The following RNF212B variants were observed in gnomAD, a reference collection of about 807,000 sequenced individuals.
RNF212B encodes the protein ring finger protein 212B.
Under a neutral mutation model 55.5 loss-of-function variants are expected in RNF212B, and 52 were observed. The observed-to-expected ratio is 0.94, with a 90% CI of 0.75 to 1.18. The LOEUF is 1.18. Among genes scored for constraint, RNF212B ranks in the 50% most tolerant of loss-of-function variants. The probability of loss-of-function intolerance (pLI) is 0.00; values close to 1 mark genes in which losing one functional copy is unlikely to be tolerated. For synonymous variants in RNF212B, 99 were observed against 121.4 expected, an observed-to-expected ratio of 0.82 and a Z score of 1.21; for missense variants, 289 against 350.4, an observed-to-expected ratio of 0.82 and a Z score of 1.40.
intron 2 of RNF212B, among the ~76,000 whole-genome samples, chr14:23,196,479 A>G (rs575868102): frequency 6.6e-6 from 1 of 152,302 alleles, no homozygotes; most frequent in African/African-American, 2.4e-5. Context: ...CTGCTCTGTC[A>G]CACGGGCTGG....
chr14:23,272,778 T>C (rs1886203407), intron 14 of RNF212B, 45 bp from the exon 15 acceptor site: 8 of 1,272,582 alleles, frequency 6.3e-6, no homozygotes, highest in African/African-American at 4.4e-5. Flanking sequence ...TTGCCCTTTT[T>C]GCTGTTATAA....
chr14:23,202,222 G>A (rs1180446646), intron 2 of RNF212B, among the ~76,000 whole-genome samples: 2 of 143,280 alleles, frequency 1.4e-5, no homozygotes, highest in East Asian at 4.1e-4. Context: ...CTGCACTCTA[G>A]CCTGGGCAAC....
intron 13 of RNF212B, 122 bp downstream of exon 13, chr14:23,270,082 G>T (rs1885968440): frequency 1.5e-6 from 1 of 654,886 alleles, no homozygotes; most frequent in Non-Finnish European, 2.7e-6. Context: ...TCTCTAGTTG[G>T]CTCCTTAATA....
intron 2 of RNF212B, among the ~76,000 whole-genome samples, chr14:23,207,135 CCAA>C (rs1483325042): frequency 6.6e-6 from 1 of 152,106 alleles, no homozygotes; most frequent in African/African-American, 2.4e-5. Flanking sequence ...AGAAGTACAG[CCAA>C]CAACAAGAGT....
At chr14:23,267,524 C>T (rs955879409) in intron 11 of RNF212B, among the ~76,000 whole-genome samples, 4 of 152,032 alleles carry the variant, frequency 2.6e-5, no homozygotes, top group African/African-American at 7.2e-5. Context: ...CTCCTCCTGG[C>T]TTCAAGTGAT....
intron 2 of RNF212B, among the ~76,000 whole-genome samples, chr14:23,209,231 T>A (rs1208962548): frequency 6.6e-6 from 1 of 152,214 alleles, no homozygotes; most frequent in African/African-American, 2.4e-5. Context: ...GTCACTCTCG[T>A]AGCCATTTTG....
intron 2 of RNF212B, among the ~76,000 whole-genome samples, chr14:23,198,589 T>C (rs1878964935): frequency 6.6e-6 from 1 of 150,568 alleles, no homozygotes; most frequent in Non-Finnish European, 1.5e-5. Context: ...AGCGGGAGAA[T>C]CACTTGAACC....
chr14:23,220,522 A>G (rs934084375), intron 2 of RNF212B, among the ~76,000 whole-genome samples: 4 of 151,126 alleles, frequency 2.6e-5, no homozygotes, highest in Non-Finnish European at 5.9e-5. Context: ...ACATAGCGAG[A>G]CTCTGTCTCA....
intron 2 of RNF212B, among the ~76,000 whole-genome samples, chr14:23,231,187 C>A (rs1425560042): frequency 6.6e-6 from 1 of 151,962 alleles, no homozygotes; most frequent in Non-Finnish European, 1.5e-5. Flanking sequence ...ACATTGAATC[C>A]GTATATAGCT....
chr14:23,230,669 A>G (rs1360073184), intron 2 of RNF212B, among the ~76,000 whole-genome samples: 2 of 151,050 alleles, frequency 1.3e-5, no homozygotes, highest in East Asian at 3.9e-4. Context: ...AAAAAAAAAA[A>G]AAAAAAAAAA....
At chr14:23,233,663 G>T (rs956539792), upstream of RNF212B, among the ~76,000 whole-genome samples, 21 of 149,518 alleles carry the variant, frequency 1.4e-4, no homozygotes, top group African/African-American at 5.2e-4. Context: ...AATCATTCGG[G>T]CCTGGGAGGT....
At chr14:23,269,987 A>G in intron 13 of RNF212B, 27 bp downstream of exon 13, 1 of 1,215,936 alleles carries the variant, frequency 8.2e-7, no homozygotes, top group Non-Finnish European at 1.2e-6. Flanking sequence ...TTCCAAAGGA[A>G]TGGAGCTTCA....
At chr14:23,228,656 A>AAAAAC (rs920956678) in intron 2 of RNF212B, among the ~76,000 whole-genome samples, 10 of 151,850 alleles carry the variant, frequency 6.6e-5, no homozygotes, top group Admixed American at 3.3e-4. Flanking sequence ...AAAAAAACAA[A>AAAAAC]AAAACAAAAC....
At chr14:23,210,429 T>C (rs1370589930) in intron 2 of RNF212B, among the ~76,000 whole-genome samples, 1 of 152,170 alleles carries the variant, frequency 6.6e-6, no homozygotes. Flanking sequence ...GTCTGGAGTT[T>C]AGTTAATTAT....
At chr14:23,238,097 G>C (rs564583022) in intron 1 of RNF212B, among the ~76,000 whole-genome samples, 42 bp downstream of exon 1, 3 of 152,162 alleles carry the variant, frequency 2.0e-5, no homozygotes, top group Non-Finnish European at 2.9e-5. Context: ...AGCTTGAGAC[G>C]GCTGAGGCCC....
rs1038996853 is a variant in RNF212B at position 23,258,666 on chromosome 14, T to C, written c.344+2T>C. ...GCAAGCACTGGTGAGCCAGGACAAG[T>C]AAGTAACAAATCAAGTCCCAAGAGA... On this transcript the variant is annotated splice_donor_variant, in intron 5 of 14. Coordinates refer to ENST00000430154, the MANE Select transcript of RNF212B (RefSeq NM_001282322.3). LOFTEE classifies it high-confidence loss of function. 2.4e-4 allele frequency: 325 copies of C among 1,374,696 alleles called. 2 individuals carry two copies. Among genetic ancestry groups the C allele is most frequent in the Non-Finnish European group, 3.1e-4 (318 of 1,016,532 alleles). The allele number at this position is 1,374,696 out of a possible 1,614,324, so 85.2% of individuals were successfully genotyped here.
intron 2 of RNF212B, among the ~76,000 whole-genome samples, chr14:23,203,135 C>G (rs916413851): frequency 1.5e-4 from 23 of 151,688 alleles, no homozygotes; most frequent in African/African-American, 5.3e-4. Context: ...TCCCCCCAAC[C>G]CTCACCCCCA....
In RNF212B at chr14:23,258,631, A is replaced by C. The variant is rs766510835; in HGVS notation, c.311A>C (p.Gln104Pro). The C allele has an allele frequency of 1.9e-6, 3 of 1,541,854 alleles. No individual in the cohort carries two copies. The highest frequency in any genetic ancestry group is 2.6e-6 in the Non-Finnish European group (3 of 1,141,952). The change falls in exon 5 of 15, where the codon CAG becomes CCG. Residue 104 changes from glutamine to proline, a missense_variant. Transcript: ENST00000430154. ...HRITKLETAM[Q>P]EAQQALVSQD... ...ATTACAAAGTTAGAAACAGCCATGCAGGAGGCACAGCAAGCACTGGTGAGC... is the reference window on the plus strand; with the variant it reads ...ATTACAAAGTTAGAAACAGCCATGCCGGAGGCACAGCAAGCACTGGTGAGC...
At chr14:23,187,795 A>C (rs1877738508) in intron 1 of RNF212B, among the ~76,000 whole-genome samples, 1 of 152,206 alleles carries the variant, frequency 6.6e-6, no homozygotes, top group African/African-American at 2.4e-5. Flanking sequence ...ACCCTGCTTT[A>C]AATTAAAGCC....
Sources: allele counts gnomAD v4.1 joint callset (sites outside exome capture counted in the v4.1 genomes callset), GRCh38; gene constraint gnomAD v4.1.1; transcripts MANE v1.5; gene names NCBI Gene and HGNC (gene_info 2026-07-23, HGNC 2026-07-21).